DPF3: variants seen among roughly 807,000 people sequenced by gnomAD.
DPF3 encodes the protein double PHD fingers 3.
Under a neutral mutation model 56.8 loss-of-function variants are expected in DPF3, and 18 were observed. The observed-to-expected ratio is 0.32, with a 90% CI of 0.22 to 0.47. DPF3 has a LOEUF of 0.47. Ranked by LOEUF, DPF3 falls within the 20% of genes least tolerant of loss-of-function variation. The probability of loss-of-function intolerance (pLI) is 1.00; values close to 1 mark genes in which losing one functional copy is unlikely to be tolerated. For synonymous variants in DPF3, 188 were observed against 180.2 expected (o/e 1.04, Z -0.35); for missense variants, 403 against 488.8 (o/e 0.82, Z 1.65).
At chr14:72,857,499 C>A (rs1390890467) in intron 1 of DPF3, among the ~76,000 whole-genome samples, 1 of 152,172 alleles carries the variant, frequency 6.6e-6, no homozygotes, top group African/African-American at 2.4e-5. Context: ...ACTACTGCTG[C>A]TGCTATTATT....
At chr14:72,878,261 A>G (rs1886192359) in intron 1 of DPF3, among the ~76,000 whole-genome samples, 2 of 152,296 alleles carry the variant, frequency 1.3e-5, no homozygotes, top group Middle Eastern at 3.4e-3. Flanking sequence ...AAAAGTTATA[A>G]TGATACGCTG....
intron 1 of DPF3, among the ~76,000 whole-genome samples, chr14:72,810,474 TG>T (rs1882992628): frequency 6.6e-6 from 1 of 151,786 alleles, no homozygotes; most frequent in South Asian, 2.1e-4. Flanking sequence ...AAGGTGGGCG[TG>T]TGTGGGGTTA....
At chr14:72,707,869 C>A (rs1286484263) in intron 6 of DPF3, among the ~76,000 whole-genome samples, 1 of 151,278 alleles carries the variant, frequency 6.6e-6, no homozygotes, top group Non-Finnish European at 1.5e-5. Context: ...TGCAATGGCG[C>A]AAGCTCAGCT....
At position 72,617,133 on chromosome 14, in the gene DPF3, G is replaced by A. The variant is rs766395288; in HGVS notation, c.*2164C>T. Among the ~76,000 whole-genome samples the A allele has an allele frequency of 3.9e-5, 6 of 152,176 alleles. No homozygotes were observed. The highest frequency in any genetic ancestry group is 8.8e-5 in the Non-Finnish European group (6 of 68,028). ...GCAGAGCAGACATGGGGCTGAGATC[G>A]AACAGGGCTGCCCTATCACCTGCAC... On this transcript the variant is annotated 3_prime_UTR_variant, in exon 11 of 11. Coordinates refer to ENST00000556509, the MANE Select transcript of DPF3 (RefSeq NM_001280542.3).
At chr14:72,662,948 A>AG (rs1022768243) in intron 8 of DPF3, 2 of 700,614 alleles carry the variant, frequency 2.9e-6, no homozygotes, top group Non-Finnish European at 3.5e-6. Context: ...TAAAAAAAAA[A>AG]AAGAAGAAGA....
In DPF3 at chr14:72,827,531, C is replaced by T. The variant is rs117949920; in HGVS notation, c.33-55638G>A. 2.6e-3 allele frequency among the ~76,000 whole-genome samples: 311 copies of T among 119,632 alleles called. 2 individuals carry two copies. In the East Asian group the frequency reaches 0.064, roughly 25 times the overall value. 78.5% of individuals were successfully genotyped at this position (119,632 alleles called of 152,430 possible). ...TTTTTTTTTTTGAGACAGAGTCTCACTCTGCACAATCTCGGCTCACTGCAA... is the reference window on the plus strand; with the variant it reads ...TTTTTTTTTTTGAGACAGAGTCTCATTCTGCACAATCTCGGCTCACTGCAA... On this transcript the variant is annotated intron_variant, in intron 1 of 10. Transcript: ENST00000556509.
intron 3 of DPF3, among the ~76,000 whole-genome samples, chr14:72,748,550 T>C (rs918535196): frequency 3.3e-5 from 5 of 152,212 alleles, no homozygotes; most frequent in Admixed American, 3.3e-4. Flanking sequence ...GAGCCCAATA[T>C]TAATCCCCAA....
At chr14:72,756,318 C>A (rs1439984596) in intron 2 of DPF3, among the ~76,000 whole-genome samples, 2 of 152,212 alleles carry the variant, frequency 1.3e-5, no homozygotes. Context: ...CAAAAACTCA[C>A]ACACTTGCTG....
chr14:72,641,887 T>C (rs1255836520), intron 8 of DPF3, among the ~76,000 whole-genome samples: 1 of 152,254 alleles, frequency 6.6e-6, no homozygotes, highest in Non-Finnish European at 1.5e-5. Context: ...GGTTTCTGTC[T>C]TGACTGTGCA....
chr14:72,823,934 G>A (rs1433842454), intron 1 of DPF3, among the ~76,000 whole-genome samples: 1 of 152,160 alleles, frequency 6.6e-6, no homozygotes, highest in African/African-American at 2.4e-5. Flanking sequence ...GAGCCACTGG[G>A]GAAGAGTGGA....
chr14:72,867,615 C>A (rs985733168), intron 1 of DPF3, among the ~76,000 whole-genome samples: 11 of 152,326 alleles, frequency 7.2e-5, no homozygotes, highest in African/African-American at 2.6e-4. Context: ...ACTGCAAAGT[C>A]TGAACAATTG....
intron 1 of DPF3, among the ~76,000 whole-genome samples, chr14:72,779,779 T>A (rs1216625776): frequency 6.6e-6 from 1 of 152,292 alleles, no homozygotes; most frequent in African/African-American, 2.4e-5. Context: ...CTTTGTGGCA[T>A]GACCCTCTGC....
At chr14:72,852,571 CTG>C (rs1374590744) in intron 1 of DPF3, among the ~76,000 whole-genome samples, 7 of 152,348 alleles carry the variant, frequency 4.6e-5, no homozygotes, top group African/African-American at 1.7e-4. Flanking sequence ...GGCTCACACT[CTG>C]ATCACAGCCT....
At chr14:72,717,118 C>T (rs948384374) in intron 5 of DPF3, among the ~76,000 whole-genome samples, 6 of 152,214 alleles carry the variant, frequency 3.9e-5, no homozygotes, top group African/African-American at 1.2e-4. Flanking sequence ...CTGATCCCCT[C>T]GGGTTCACCC....
chr14:72,827,124 C>CA (rs1223146302), intron 1 of DPF3, among the ~76,000 whole-genome samples: 111 of 11,686 alleles, frequency 9.5e-3, no homozygotes, highest in South Asian at 0.012. Context: ...TGTATAAGTC[C>CA]AGCTTCTTTT....
chr14:72,672,000 G>A (rs927443944), intron 8 of DPF3, among the ~76,000 whole-genome samples: 2 of 151,146 alleles, frequency 1.3e-5, no homozygotes, highest in African/African-American at 4.9e-5. Flanking sequence ...TCTGTGATCT[G>A]CATCCACATA....
intron 3 of DPF3, among the ~76,000 whole-genome samples, chr14:72,748,017 A>G (rs978305755): frequency 1.3e-5 from 2 of 152,258 alleles, no homozygotes; most frequent in African/African-American, 2.4e-5. Context: ...AGAGTGGGGC[A>G]TTGCTGAAAA....
chr14:72,857,484 C>T (rs117460367), intron 1 of DPF3, among the ~76,000 whole-genome samples: 1 of 152,238 alleles, frequency 6.6e-6, no homozygotes, highest in Non-Finnish European at 1.5e-5. Flanking sequence ...AATAGTGATA[C>T]TATTACTACT....
rs769684490 is a variant in DPF3, at chr14:72,674,315, A to C, written c.796T>G (p.Leu266Val). The change falls in exon 8 of 11, where the codon TTG becomes GTG. Residue 266 changes from leucine to valine, a missense_variant. Physicochemically the swap from Leu to Val is conservative, Grantham distance 32. Transcript: ENST00000556509. ...VIPNNYCDFC[L>V]GGSNMNKKSG... ...TTCTTGTTCATGTTGGAGCCCCCCA[A>C]GCAGAAGTCACAGTAGTTATTGGGA... 3.1e-6 allele frequency: 5 copies of C among 1,612,616 alleles called. No individual in the cohort carries two copies. The highest frequency in any genetic ancestry group is 4.2e-6 in the Non-Finnish European group (5 of 1,179,536).
Sources: allele counts gnomAD v4.1 joint callset (sites outside exome capture counted in the v4.1 genomes callset), GRCh38; gene constraint gnomAD v4.1.1; transcripts MANE v1.5; gene names NCBI Gene and HGNC (gene_info 2026-07-23, HGNC 2026-07-21).